Variants in PRDM2 observed in about 807,000 individuals in gnomAD.
PRDM2 encodes PR/SET domain 2.
A neutral mutation model predicts 130.0 loss-of-function variants in PRDM2; 30 were observed. That is an observed-to-expected ratio of 0.23 (90% CI 0.17 to 0.31). The LOEUF (loss-of-function observed/expected upper bound fraction) is 0.31, where lower values mean the gene tolerates loss of function less well. PRDM2 is among the 10% of genes least tolerant of loss of function. The pLI, the probability that PRDM2 is intolerant of heterozygous loss-of-function variation, is 1.00. For missense variants in PRDM2, 2,011 were observed against 2,108.4 expected, an observed-to-expected ratio of 0.95 and a Z score of 0.90; for synonymous variants, 871 against 782.4, an observed-to-expected ratio of 1.11 and a Z score of -1.89.
chr1:13,820,306 C>T (rs1272157715), intron 9 of PRDM2, among the ~76,000 whole-genome samples: 2 of 152,238 alleles, frequency 1.3e-5, no homozygotes, highest in Non-Finnish European at 2.9e-5. Flanking sequence ...AGTTTGAATG[C>T]AGCGAGAATG....
intron 5 of PRDM2, among the ~76,000 whole-genome samples, chr1:13,749,079 A>C (rs1643709742): frequency 6.6e-6 from 1 of 152,110 alleles, no homozygotes; most frequent in African/African-American, 2.4e-5. Flanking sequence ...GTGAGGCTTT[A>C]AACAGGAAAC....
chr1:13,762,589 A>AG (rs968021151), intron 6 of PRDM2, among the ~76,000 whole-genome samples: 2 of 152,186 alleles, frequency 1.3e-5, no homozygotes, highest in Non-Finnish European at 2.9e-5. Context: ...TCCCAGGCTC[A>AG]GTTTGTTCCC....
At chr1:13,758,893 A>G (rs955836742) in intron 6 of PRDM2, among the ~76,000 whole-genome samples, 6 of 152,234 alleles carry the variant, frequency 3.9e-5, no homozygotes, top group Non-Finnish European at 7.3e-5. Context: ...GATTTATTCT[A>G]ATGAATAAGA....
intron 2 of PRDM2, among the ~76,000 whole-genome samples, chr1:13,720,729 G>T (rs548646463): frequency 6.6e-6 from 1 of 152,240 alleles, no homozygotes; most frequent in Non-Finnish European, 1.5e-5. Context: ...CATGGGGTGG[G>T]CACCATTACT....
Position 13,771,988 on chromosome 1 carries a change from C to T in PRDM2, c.512-1090C>T, listed in dbSNP as rs970547186. Reference sequence around the variant, plus strand: ...CTAATTATGCTTCCCGGTAGTGATTCTCTGTTATGGAGTATGTAACTTTAC... The same window carrying T: ...CTAATTATGCTTCCCGGTAGTGATTTTCTGTTATGGAGTATGTAACTTTAC... On this transcript the variant is annotated intron_variant, in intron 6 of 9. Transcript: ENST00000311066. This position sits in a 1 kb window ranked among gnomAD's most constrained non-coding sequence, Gnocchi z 4.1. 6.6e-6 allele frequency: 1 copy of T among 152,104 alleles called. No homozygotes were observed. Among genetic ancestry groups the T allele is most frequent in the African/African-American group, 2.4e-5 (1 of 41,410 alleles). The allele number at this position is 152,104 out of a possible 1,614,324, so 9.4% of individuals were successfully genotyped here.
chr1:13,783,958 T>C (rs1644681584), intron 8 of PRDM2, among the ~76,000 whole-genome samples: 2 of 152,170 alleles, frequency 1.3e-5, no homozygotes, highest in South Asian at 2.1e-4. Context: ...GACACAGAGG[T>C]GCCATTAGCC....
chr1:13,729,503 C>T (rs1205758843), intron 2 of PRDM2, among the ~76,000 whole-genome samples: 2 of 152,168 alleles, frequency 1.3e-5, no homozygotes, highest in Non-Finnish European at 2.9e-5. Context: ...AGTGTAATAC[C>T]TTTTCCCTCT....
intron 6 of PRDM2, among the ~76,000 whole-genome samples, chr1:13,759,565 G>T (rs1406048614): frequency 6.6e-6 from 1 of 152,116 alleles, no homozygotes; most frequent in Non-Finnish European, 1.5e-5. Flanking sequence ...TAAGCAGAAT[G>T]TCTAAGGGCC....
rs1210910090 is a variant in PRDM2 at position 13,756,067 on chromosome 1, T to C, written c.511+6580T>C. On this transcript the variant is annotated intron_variant, in intron 6 of 9. Transcript: ENST00000311066. ...GAGATCGAGACCATCCTGGCTAACA[T>C]GGTGAAACCCTGTCTCTTCTAAAAA... Among the ~76,000 whole-genome samples, 28 of 149,066 alleles carry C rather than the reference T, an allele frequency of 1.9e-4. 1 individual carries two copies. Among genetic ancestry groups the C allele is most frequent in the Non-Finnish European group, 4.0e-4 (27 of 67,422 alleles).
intron 8 of PRDM2, among the ~76,000 whole-genome samples, chr1:13,807,446 G>T (rs1164926399): frequency 6.6e-6 from 1 of 152,318 alleles, no homozygotes; most frequent in African/African-American, 2.4e-5. Context: ...ACCAGTAAAC[G>T]CAGCTCTGTT....
At chr1:13,715,652 C>G (rs1016294558) in intron 2 of PRDM2, 38 bp downstream of exon 2, 2 of 1,548,682 alleles carry the variant, frequency 1.3e-6, no homozygotes, top group Admixed American at 3.9e-5. Flanking sequence ...AATACATGAC[C>G]TAGATGTTAG....
intron 6 of PRDM2, among the ~76,000 whole-genome samples, chr1:13,759,577 G>A (rs1644046959): frequency 6.6e-6 from 1 of 152,188 alleles, no homozygotes; most frequent in Non-Finnish European, 1.5e-5. Flanking sequence ...CTAAGGGCCT[G>A]TGAGAAATGA....
intron 8 of PRDM2, chr1:13,787,163 T>C: frequency 1.0e-6 from 1 of 984,810 alleles, no homozygotes; most frequent in Non-Finnish European, 1.2e-6. Flanking sequence ...GTTGCGTTTG[T>C]ATATCCAAAT....
intron 1 of PRDM2, among the ~76,000 whole-genome samples, chr1:13,702,421 C>T (rs1475257935): frequency 6.6e-6 from 1 of 152,014 alleles, no homozygotes. Flanking sequence ...TTTTTAAAAT[C>T]GTGGGTTTTA....
At chr1:13,751,563 T>TTA (rs1643841549) in intron 6 of PRDM2, among the ~76,000 whole-genome samples, 1 of 151,634 alleles carries the variant, frequency 6.6e-6, no homozygotes, top group South Asian at 2.1e-4. Context: ...TCTGTTTAGG[T>TTA]CTTATGTGTG....
At chr1:13,766,280 T>G (rs1644225577) in intron 6 of PRDM2, among the ~76,000 whole-genome samples, 1 of 152,046 alleles carries the variant, frequency 6.6e-6, no homozygotes, top group South Asian at 2.1e-4. Context: ...CCCTCTTATG[T>G]AGGGGCAGGA....
intron 6 of PRDM2, among the ~76,000 whole-genome samples, 159 bp downstream of exon 6, chr1:13,749,646 C>G (rs948492468): frequency 6.6e-6 from 1 of 151,066 alleles, no homozygotes; most frequent in African/African-American, 2.4e-5. Flanking sequence ...CTCGGCCCTG[C>G]CCCGGCCCCG....
At chr1:13,770,742 C>T (rs1644341637) in intron 6 of PRDM2, among the ~76,000 whole-genome samples, 1 of 152,090 alleles carries the variant, frequency 6.6e-6, no homozygotes, top group African/African-American at 2.4e-5. Context: ...TTTGGGGTTA[C>T]CTGAGGGGTA....
rs966410945 is a variant in PRDM2, at chr1:13,770,770, A to C, written c.512-2308A>C. Among the ~76,000 whole-genome samples, 3 of 152,146 alleles carry C rather than the reference A, an allele frequency of 2.0e-5. No individual in the cohort carries two copies. The East Asian group carries it at 5.8e-4, about 29-fold the overall frequency. ...GAGGGGTATGTCTTATAAAAATGTC[A>C]TTGTTTGGGTTCAGAGAAAAAGTTT... On this transcript the variant is annotated intron_variant, in intron 6 of 9. Coordinates refer to ENST00000311066, the MANE Select transcript of PRDM2 (RefSeq NM_001393986.1).
Sources: allele counts gnomAD v4.1 joint callset (sites outside exome capture counted in the v4.1 genomes callset), GRCh38; gene constraint gnomAD v4.1.1; non-coding constraint Gnocchi (gnomAD v3.1); transcripts MANE v1.5; gene names NCBI Gene and HGNC (gene_info 2026-07-23, HGNC 2026-07-21).